Variants in RCAN2 observed in about 807,000 individuals in gnomAD.
RCAN2 encodes the protein calcipressin-2.
RCAN2 carries 9 observed loss-of-function variants against 23.6 expected under a neutral mutation model. That is an observed-to-expected ratio of 0.38 (90% CI 0.23 to 0.67). The LOEUF (loss-of-function observed/expected upper bound fraction) is 0.67. RCAN2 is among the 30% of genes least tolerant of loss of function. RCAN2 has a pLI of 0.51. For missense variants in RCAN2, 273 were observed against 302.3 expected (o/e 0.90, Z 0.72); for synonymous variants, 109 against 115.7 (o/e 0.94, Z 0.37).
Position 46,221,282 on chromosome 6 carries a change from A to T in RCAN2, c.*1859T>A, listed in dbSNP as rs1765468516. 2 of 152,608 alleles carry T rather than the reference A, an allele frequency of 1.3e-5. No individual in the cohort carries two copies. Among genetic ancestry groups the T allele is most frequent in the African/African-American group, 4.8e-5 (2 of 41,456 alleles). 9.5% of individuals were successfully genotyped at this position (152,608 alleles called of 1,614,324 possible). ...GTAGCTTAAAAAATCAAGTCAAATG[A>T]CCCACAGATGATTGAGAAGAGTCAG... On this transcript the variant is annotated 3_prime_UTR_variant, in exon 5 of 5. Coordinates refer to ENST00000371374, the MANE Select transcript of RCAN2 (RefSeq NM_001251974.2).
intron 2 of RCAN2, among the ~76,000 whole-genome samples, chr6:46,414,020 T>C (rs1168239045): frequency 6.6e-6 from 1 of 151,282 alleles, no homozygotes; most frequent in Admixed American, 6.6e-5. Context: ...AGCAGAGATA[T>C]GAAAGGTAGC....
intron 4 of RCAN2, among the ~76,000 whole-genome samples, chr6:46,227,769 T>G (rs1318109756): frequency 2.0e-5 from 3 of 152,226 alleles, no homozygotes; most frequent in Non-Finnish European, 1.5e-5. Context: ...AGGGTTTTTT[T>G]GTGTCCCTAT....
At chr6:46,419,494 G>A (rs759133000) in intron 2 of RCAN2, among the ~76,000 whole-genome samples, 1 of 152,086 alleles carries the variant, frequency 6.6e-6, no homozygotes, top group African/African-American at 2.4e-5. Context: ...TTTCATCCAC[G>A]GAAGGTACAT....
chr6:46,466,607 G>A (rs1768394185), intron 1 of RCAN2, among the ~76,000 whole-genome samples: 1 of 152,032 alleles, frequency 6.6e-6, no homozygotes, highest in South Asian at 2.1e-4. Flanking sequence ...CCACAATACA[G>A]CTAAATATTC....
intron 1 of RCAN2, among the ~76,000 whole-genome samples, chr6:46,479,578 CTCACCTT>C (rs1463055034): frequency 7.6e-6 from 1 of 131,504 alleles, no homozygotes; most frequent in Non-Finnish European, 1.6e-5. Context: ...TAGGGTCTGT[CTCACCTT>C]TTTTTTTTTT....
intron 4 of RCAN2, among the ~76,000 whole-genome samples, chr6:46,232,162 G>A (rs563627766): frequency 3.3e-5 from 5 of 152,336 alleles, no homozygotes; most frequent in South Asian, 2.1e-4. Context: ...CCTGCCCTGC[G>A]GAGCAAGAAT....
intron 2 of RCAN2, among the ~76,000 whole-genome samples, chr6:46,266,794 T>C (rs1462795877): frequency 6.6e-6 from 1 of 152,094 alleles, no homozygotes; most frequent in Non-Finnish European, 1.5e-5. Flanking sequence ...GGCGACTGAT[T>C]CCAACCCCTC....
intron 4 of RCAN2, among the ~76,000 whole-genome samples, chr6:46,240,236 A>G (rs1766257685): frequency 6.6e-6 from 1 of 152,188 alleles, no homozygotes; most frequent in Admixed American, 6.5e-5. Flanking sequence ...TGCAAGGGTA[A>G]ACACTACAAT....
chr6:46,374,976 G>T (rs995111366), intron 2 of RCAN2, among the ~76,000 whole-genome samples: 1 of 152,052 alleles, frequency 6.6e-6, no homozygotes, highest in Non-Finnish European at 1.5e-5. Context: ...ACATGATCTC[G>T]GCTCACTGCA....
chr6:46,457,824 A>G (rs1382067704), intron 1 of RCAN2, among the ~76,000 whole-genome samples: 8 of 152,010 alleles, frequency 5.3e-5, no homozygotes. Context: ...TCCAGTATTG[A>G]TTTCACCTAG....
At chr6:46,309,996 G>A (rs1763202869) in intron 2 of RCAN2, among the ~76,000 whole-genome samples, 1 of 152,052 alleles carries the variant, frequency 6.6e-6, no homozygotes, top group African/African-American at 2.4e-5. Context: ...GGAAGCCCAA[G>A]TTACTAAATT....
upstream of RCAN2, among the ~76,000 whole-genome samples, chr6:46,491,657 CA>C (rs1341625963): frequency 1.3e-5 from 2 of 151,958 alleles, no homozygotes; most frequent in African/African-American, 2.4e-5. Context: ...CTCAGCCCCG[CA>C]CCCCCTCCTT....
At chr6:46,257,859 A>G (rs1002932191) in intron 2 of RCAN2, among the ~76,000 whole-genome samples, 15 of 152,232 alleles carry the variant, frequency 9.9e-5, no homozygotes, top group African/African-American at 3.6e-4. Flanking sequence ...TTTATACTGC[A>G]TAAATATCAC....
chr6:46,455,254 G>T (rs925697719), intron 2 of RCAN2, among the ~76,000 whole-genome samples: 3 of 152,118 alleles, frequency 2.0e-5, no homozygotes, highest in East Asian at 1.9e-4. Context: ...AGCACTGGAG[G>T]TTCTAATTAT....
intron 2 of RCAN2, among the ~76,000 whole-genome samples, chr6:46,289,295 G>T (rs952260720): frequency 6.6e-6 from 1 of 152,160 alleles, no homozygotes; most frequent in African/African-American, 2.4e-5. Flanking sequence ...GAACTGCAAC[G>T]AACTAGAAAG....
chr6:46,300,018 T>C (rs982040489), intron 2 of RCAN2, among the ~76,000 whole-genome samples: 2 of 151,856 alleles, frequency 1.3e-5, no homozygotes, highest in Non-Finnish European at 2.9e-5. Context: ...AGTATGTATA[T>C]TGTAAACTCC....
intron 2 of RCAN2, among the ~76,000 whole-genome samples, chr6:46,329,218 T>C (rs780225133): frequency 1.3e-5 from 2 of 152,202 alleles, no homozygotes; most frequent in African/African-American, 2.4e-5. Flanking sequence ...CTCCTTCTTA[T>C]CATCTGGATC....
chr6:46,410,056 T>C (rs537597648), intron 2 of RCAN2, among the ~76,000 whole-genome samples: 1 of 152,276 alleles, frequency 6.6e-6, no homozygotes, highest in South Asian at 2.1e-4. Context: ...CTTCTTCTCC[T>C]ACCCTTGGAC....
chr6:46,340,628 AC>A (rs1764286213), intron 2 of RCAN2, among the ~76,000 whole-genome samples: 2 of 151,614 alleles, frequency 1.3e-5, no homozygotes, highest in South Asian at 2.1e-4. Flanking sequence ...ATTTCCTTCA[AC>A]CCCCTCTTCT....
Sources: allele counts gnomAD v4.1 joint callset (sites outside exome capture counted in the v4.1 genomes callset), GRCh38; gene constraint gnomAD v4.1.1; transcripts MANE v1.5; gene names NCBI Gene and HGNC (gene_info 2026-07-23, HGNC 2026-07-21).